The following HOOK3 variants were observed in gnomAD, a reference collection of about 807,000 sequenced individuals.
HOOK3 encodes protein Hook homolog 3.
Under a neutral mutation model 116.3 loss-of-function variants are expected in HOOK3, and 24 were observed. That is an observed-to-expected ratio of 0.21 (90% confidence interval 0.15 to 0.29). HOOK3 has a LOEUF of 0.29. Among genes scored for constraint, HOOK3 ranks in the 10% least tolerant of loss-of-function variants. The pLI is 1.00. For missense variants in HOOK3, 632 were observed against 830.2 expected, an observed-to-expected ratio of 0.76 and a Z score of 2.93; for synonymous variants, 275 against 283.0, an observed-to-expected ratio of 0.97 and a Z score of 0.28.
chr8:42,908,748 T>A (rs1361940228), intron 2 of HOOK3, among the ~76,000 whole-genome samples: 1 of 152,172 alleles, frequency 6.6e-6, no homozygotes. Flanking sequence ...TTGTTATTGG[T>A]CTGGGGGATG....
chr8:42,902,923 A>C (rs1807219415), intron 1 of HOOK3, among the ~76,000 whole-genome samples: 1 of 152,216 alleles, frequency 6.6e-6, no homozygotes, highest in South Asian at 2.1e-4. Context: ...TTTTCCTTCT[A>C]AACAAACCTA....
intron 17 of HOOK3, among the ~76,000 whole-genome samples, chr8:43,006,476 C>T (rs1809492443): frequency 6.6e-6 from 1 of 152,058 alleles, no homozygotes; most frequent in Non-Finnish European, 1.5e-5. Flanking sequence ...GCAAACACCA[C>T]CATGCCCGGC....
intron 2 of HOOK3, among the ~76,000 whole-genome samples, chr8:42,920,185 C>T (rs1046298447): frequency 1.3e-5 from 2 of 152,184 alleles, no homozygotes; most frequent in African/African-American, 4.8e-5. Flanking sequence ...TGAAGAGCTT[C>T]TCCAGTAAGA....
chr8:42,997,759 A>G, intron 16 of HOOK3, 122 bp downstream of exon 16: 1 of 686,438 alleles, frequency 1.5e-6, no homozygotes, highest in Admixed American at 2.1e-5. Flanking sequence ...TAGAAAAGAA[A>G]TAGTGTTTTC....
At position 43,027,392 on chromosome 8, in the gene HOOK3, G is replaced by A; in HGVS notation, c.*8894G>A. On this transcript the variant is annotated 3_prime_UTR_variant, in exon 22 of 22. Transcript: ENST00000307602. Reference sequence around the variant, plus strand: ...TTACTGCCAAAGAATAGAGAGATTTGCTTATGAGAACATTCTGTCATTTGT... The same window carrying A: ...TTACTGCCAAAGAATAGAGAGATTTACTTATGAGAACATTCTGTCATTTGT... 2.4e-6 allele frequency: 1 copy of A among 413,950 alleles called. No individual in the cohort carries two copies. Among genetic ancestry groups the A allele is most frequent in the Non-Finnish European group, 4.5e-6 (1 of 221,502 alleles). 25.6% of individuals were successfully genotyped at this position (413,950 alleles called of 1,614,324 possible).
intron 3 of HOOK3, among the ~76,000 whole-genome samples, chr8:42,927,677 T>G (rs1304322297): frequency 6.6e-6 from 1 of 152,212 alleles, no homozygotes; most frequent in African/African-American, 2.4e-5. Context: ...CAGTCTCAGC[T>G]CACTGCAACC....
intron 21 of HOOK3, among the ~76,000 whole-genome samples, chr8:43,014,339 CATTTATTT>C (rs574484549): frequency 1.3e-5 from 2 of 149,036 alleles, no homozygotes; most frequent in African/African-American, 5.0e-5. Context: ...GACCAGATTC[CATTTATTT>C]ATTTATTTAT....
intron 2 of HOOK3, among the ~76,000 whole-genome samples, chr8:42,923,784 T>C (rs1807708958): frequency 6.6e-6 from 1 of 152,226 alleles, no homozygotes. Context: ...CATTGTGTAC[T>C]GTAAATGGGT....
Position 42,968,185 on chromosome 8 carries a change from C to G in HOOK3, c.1093C>G (p.Arg365Gly). ...AGAGTTAAGAAAGGCCAACGCAGCG[C>G]GAAGTCAACTTGAAACCTACAAGAG... ...EEELRKANAA[R>G]SQLETYKRQV... The change falls in exon 11 of 22, where the codon CGA (arginine) becomes GGA (glycine). Residue 365 changes from arginine to glycine, a missense_variant. Transcript: ENST00000307602. 6.2e-7 allele frequency: 1 copy of G among 1,613,614 alleles called. No homozygotes were observed. Among genetic ancestry groups the G allele is most frequent in the East Asian group, 2.2e-5 (1 of 44,870 alleles).
chr8:42,933,166 CAT>C (rs1402151155), intron 4 of HOOK3, among the ~76,000 whole-genome samples: 1 of 152,068 alleles, frequency 6.6e-6, no homozygotes, highest in Non-Finnish European at 1.5e-5. Context: ...AATTATGAAA[CAT>C]GTTGTAGGAC....
chr8:42,907,646 AT>A (rs1807336667), intron 2 of HOOK3, among the ~76,000 whole-genome samples: 2 of 152,136 alleles, frequency 1.3e-5, no homozygotes, highest in African/African-American at 4.8e-5. Context: ...GTGTAGTTCA[AT>A]ACATGATTTT....
At chr8:42,993,952 T>C (rs1291615409) in intron 15 of HOOK3, among the ~76,000 whole-genome samples, 1 of 152,184 alleles carries the variant, frequency 6.6e-6, no homozygotes, top group East Asian at 1.9e-4. Context: ...GTTTTTGTTT[T>C]GTTGCTCTTT....
At chr8:42,939,802 C>G (rs1437739763) in intron 4 of HOOK3, among the ~76,000 whole-genome samples, 1 of 150,588 alleles carries the variant, frequency 6.6e-6, no homozygotes, top group Non-Finnish European at 1.5e-5. Flanking sequence ...CCTCACTTCT[C>G]AGACGGGGCG....
At chr8:42,938,183 T>G (rs1808010227) in intron 4 of HOOK3, among the ~76,000 whole-genome samples, 8 of 151,830 alleles carry the variant, frequency 5.3e-5, no homozygotes, top group Admixed American at 5.2e-4. Flanking sequence ...TGGTTTATAG[T>G]CTGTTTTATC....
intron 18 of HOOK3, among the ~76,000 whole-genome samples, chr8:43,008,663 A>ATTTTTAT (rs1563313428): frequency 1.5e-5 from 2 of 131,460 alleles, no homozygotes; most frequent in African/African-American, 2.9e-5. Flanking sequence ...TTTTATTTTT[A>ATTTTTAT]TTTTTTTTTT....
chr8:43,029,044 T>G lies in HOOK3; in HGVS notation c.*10546T>G, dbSNP rs2130509798. 5.2e-6 allele frequency: 1 copy of G among 191,406 alleles called. No homozygotes were observed. Among genetic ancestry groups the G allele is most frequent in the East Asian group, 8.3e-5 (1 of 12,106 alleles). 11.9% of individuals were successfully genotyped at this position (191,406 alleles called of 1,614,324 possible). On this transcript the variant is annotated 3_prime_UTR_variant, in exon 22 of 22. Coordinates refer to ENST00000307602, the MANE Select transcript of HOOK3 (RefSeq NM_032410.4). ...TATTAGTTAAGGGACGTTTTCAATA[T>G]GCTTGAAATAAGAAATAGCATTTTA... is the stretch of plus-strand genomic sequence containing the variant.
In HOOK3 at chr8:43,022,283, T is replaced by A. The variant is rs1192176026; in HGVS notation, c.*3785T>A. 2 of 207,792 alleles carry A rather than the reference T, an allele frequency of 9.6e-6. No individual in the cohort carries two copies. The highest frequency in any genetic ancestry group is 2.0e-5 in the Non-Finnish European group (2 of 101,996). 12.9% of individuals were successfully genotyped at this position (207,792 alleles called of 1,614,324 possible). A position where few individuals can be genotyped will look rare whatever the true frequency, so the allele number is the denominator to read the frequency against. ...GTCTGGTCTATCTGGAAATTTAAAG[T>A]CACTAGGAGCTTTGCCTCATCGTGA... On this transcript the variant is annotated 3_prime_UTR_variant, in exon 22 of 22. Transcript: ENST00000307602.
At chr8:42,946,864 G>T (rs1398499943) in intron 5 of HOOK3, among the ~76,000 whole-genome samples, 1 of 146,716 alleles carries the variant, frequency 6.8e-6, no homozygotes, top group African/African-American at 2.5e-5. Flanking sequence ...TGCCTCCCAG[G>T]TTCAAGCAAT....
At chr8:42,909,108 GTCACCTCACACCTA>G (rs1443054607) in intron 2 of HOOK3, among the ~76,000 whole-genome samples, 1 of 152,200 alleles carries the variant, frequency 6.6e-6, no homozygotes, top group African/African-American at 2.4e-5. Context: ...GCAATGAGGT[GTCACCTCACACCTA>G]TCAGAATGGC....
Sources: gnomAD v4.1 joint callset for allele counts (sites outside exome capture counted in the v4.1 genomes callset) on GRCh38, gnomAD v4.1.1 for gene constraint, MANE v1.5 for transcripts, NCBI Gene and HGNC (gene_info 2026-07-23, HGNC 2026-07-21) for gene names.